Variants in RAB5A observed in about 807,000 individuals in gnomAD.
RAB5A encodes the protein RAB5A, member RAS oncogene family, also known as ras-related protein Rab-5A.
In RAB5A, 8 loss-of-function variants were observed where a neutral mutation model predicts 25.7. The observed-to-expected ratio is 0.31, with a 90% CI of 0.18 to 0.56. The LOEUF (loss-of-function observed/expected upper bound fraction) is 0.56. Among genes scored for constraint, RAB5A ranks in the 20% least tolerant of loss-of-function variants. The pLI is 0.91. For synonymous variants in RAB5A, 98 were observed against 89.8 expected, an observed-to-expected ratio of 1.09 and a Z score of -0.52; for missense variants, 192 against 259.7, an observed-to-expected ratio of 0.74 and a Z score of 1.79.
Position 19,977,577 on chromosome 3 carries a change from G to A in RAB5A, c.439-733G>A, listed in dbSNP as rs976403831. ...TTTATTTAATTCTTAGGACAACGAT[G>A]TGAGATGTAGTATCCATTACTCTTT... On this transcript the variant is annotated intron_variant, in intron 4 of 5. Transcript: ENST00000273047. Among the ~76,000 whole-genome samples the A allele has an allele frequency of 3.3e-5, 5 of 152,214 alleles. No homozygotes were observed. The South Asian group carries it at 8.3e-4, about 25-fold the overall frequency.
At chr3:19,973,427 G>GC (rs1260893283) in intron 2 of RAB5A, among the ~76,000 whole-genome samples, 2 of 151,044 alleles carry the variant, frequency 1.3e-5, no homozygotes, top group Non-Finnish European at 2.9e-5. Context: ...TTGAAAAAAG[G>GC]CTTATGTATT....
chr3:19,984,514 A>G lies in RAB5A; in HGVS notation c.*691A>G, dbSNP rs1240331477. ...CACCTTAATGGTCAGTGTTCCTTTC[A>G]AACATGTGAGTTCTTTAACAAAAAT... On this transcript the variant is annotated 3_prime_UTR_variant, in exon 6 of 6. Coordinates refer to ENST00000273047, the MANE Select transcript of RAB5A (RefSeq NM_004162.5). The G allele has an allele frequency of 5.3e-6, 1 of 188,478 alleles. No individual in the cohort carries two copies. Among genetic ancestry groups the G allele is most frequent in the African/African-American group, 2.4e-5 (1 of 41,608 alleles). 11.7% of individuals were successfully genotyped at this position (188,478 alleles called of 1,614,324 possible). A position where few individuals can be genotyped will look rare whatever the true frequency, so the allele number is the denominator to read the frequency against.
chr3:19,981,410 A>G (rs1172859591), intron 5 of RAB5A, among the ~76,000 whole-genome samples: 2 of 152,130 alleles, frequency 1.3e-5, no homozygotes, highest in East Asian at 3.9e-4. Context: ...GGAGTTGGTC[A>G]GGAAACAAGC....
At chr3:19,966,655 A>G (rs1696666648) in intron 2 of RAB5A, among the ~76,000 whole-genome samples, 3 of 152,210 alleles carry the variant, frequency 2.0e-5, no homozygotes, top group Non-Finnish European at 2.9e-5. Context: ...CAGTTTCTCC[A>G]CATGATCACC....
At chr3:19,971,396 C>G (rs1305347034) in intron 2 of RAB5A, among the ~76,000 whole-genome samples, 1 of 90,802 alleles carries the variant, frequency 1.1e-5, no homozygotes, top group African/African-American at 4.4e-5. Flanking sequence ...TCCCTGGCCT[C>G]TAATGTTGGT....
At chr3:19,962,951 T>C (rs556441610) in intron 2 of RAB5A, among the ~76,000 whole-genome samples, 7 of 152,236 alleles carry the variant, frequency 4.6e-5, no homozygotes, top group Admixed American at 3.9e-4. Flanking sequence ...TAGCTGGGAC[T>C]ACAGGTATGC....
intron 5 of RAB5A, 125 bp downstream of exon 5, chr3:19,978,528 TGTGA>T: frequency 4.6e-5 from 29 of 628,250 alleles, no homozygotes; most frequent in Non-Finnish European, 6.7e-5. Flanking sequence ...TATGTGTGTG[TGTGA>T]GAGAGAGAGA....
intron 1 of RAB5A, among the ~76,000 whole-genome samples, chr3:19,948,128 A>G (rs1433994261): frequency 6.6e-6 from 1 of 152,160 alleles, no homozygotes; most frequent in Non-Finnish European, 1.5e-5. Context: ...TAAATTCAAG[A>G]TAACAGGACC....
chr3:19,980,034 G>A (rs539966758), intron 5 of RAB5A: 31 of 152,328 alleles, frequency 2.0e-4, no homozygotes, highest in Non-Finnish European at 3.7e-4. Flanking sequence ...AAATGGGAAA[G>A]AACTTGCCTT....
chr3:19,968,253 A>T (rs920191432), intron 2 of RAB5A, among the ~76,000 whole-genome samples: 1 of 151,744 alleles, frequency 6.6e-6, no homozygotes, highest in East Asian at 1.9e-4. Context: ...TCACTTACAC[A>T]TTGGGATTGT....
chr3:19,947,541 T>C lies in RAB5A; in HGVS notation c.-94+20T>C, dbSNP rs4858133. On this transcript the variant is annotated intron_variant, in intron 1 of 5. Coordinates refer to ENST00000273047, the MANE Select transcript of RAB5A (RefSeq NM_004162.5). ...TCTCAGGTAACCGAACCGCCCCTCC[T>C]CCTGCGCAGCGGGGGCCTGGACCCC... is the stretch of plus-strand genomic sequence containing the variant. 152,284 of 152,644 alleles carry C rather than the reference T, an allele frequency of 1. 75,963 individuals carry two copies. Among genetic ancestry groups the C allele is most frequent in the Middle Eastern group, 1 (298 of 298 alleles). The allele number at this position is 152,644 out of a possible 1,614,324, so 9.5% of individuals were successfully genotyped here. A position where few individuals can be genotyped will look rare whatever the true frequency, so the allele number is the denominator to read the frequency against.
intron 2 of RAB5A, among the ~76,000 whole-genome samples, chr3:19,971,190 T>TC: frequency 1.2e-5 from 1 of 81,618 alleles, no homozygotes; most frequent in Non-Finnish European, 2.3e-5. Flanking sequence ...AGAGCTAAAC[T>TC]CCATCTCAAA....
intron 2 of RAB5A, among the ~76,000 whole-genome samples, chr3:19,973,689 G>A (rs1696783201): frequency 1.3e-5 from 2 of 152,096 alleles, no homozygotes; most frequent in South Asian, 4.1e-4. Context: ...TGATTAATGA[G>A]AATTCATAAA....
In RAB5A at chr3:19,976,102, C is replaced by T. The variant is rs1451771428; in HGVS notation, c.371C>T (p.Pro124Leu). ...WVKELQRQASPNIVIALSGNK... is the reference protein window; with the variant it reads ...WVKELQRQASLNIVIALSGNK... ...AAAGAACTTCAGAGGCAAGCAAGTC[C>T]TAACATTGTAATAGCTTTATCGGGA... Residue 124 changes from proline (P) to leucine (L), a missense_variant, in exon 4 of 6, where the codon CCT becomes CTT. By Grantham distance (98) the Pro-to-Leu change is moderately conservative (BLOSUM62 -3). Transcript: ENST00000273047. The T allele has an allele frequency of 6.2e-7, 1 of 1,613,212 alleles. No individual in the cohort carries two copies.
intron 2 of RAB5A, among the ~76,000 whole-genome samples, chr3:19,968,163 C>T (rs975114588): frequency 1.3e-5 from 2 of 152,056 alleles, no homozygotes; most frequent in African/African-American, 4.8e-5. Context: ...CCCTTTCTCC[C>T]CTCTCTAGTC....
chr3:19,972,622 G>A (rs1269370492), intron 2 of RAB5A, among the ~76,000 whole-genome samples: 2 of 152,110 alleles, frequency 1.3e-5, no homozygotes, highest in Non-Finnish European at 2.9e-5. Flanking sequence ...AATCTCGTGT[G>A]TTTATTAGGA....
chr3:19,959,911 C>T (rs1390890377), intron 2 of RAB5A, among the ~76,000 whole-genome samples: 1 of 152,116 alleles, frequency 6.6e-6, no homozygotes, highest in Non-Finnish European at 1.5e-5. Flanking sequence ...AGCCATGAGC[C>T]ACCGCGCTAG....
At chr3:19,959,338 A>G (rs932583990) in intron 2 of RAB5A, among the ~76,000 whole-genome samples, 2 of 152,192 alleles carry the variant, frequency 1.3e-5, no homozygotes, top group East Asian at 1.9e-4. Context: ...TTGAGTGAAC[A>G]TTGTAATCTG....
chr3:19,981,442 C>T (rs1220897615), intron 5 of RAB5A, among the ~76,000 whole-genome samples: 2 of 151,854 alleles, frequency 1.3e-5, no homozygotes, highest in African/African-American at 4.8e-5. Flanking sequence ...GTCGAAACCC[C>T]GTCTCTACTA....
Sources: gnomAD v4.1 joint callset for allele counts (sites outside exome capture counted in the v4.1 genomes callset) on GRCh38, gnomAD v4.1.1 for gene constraint, MANE v1.5 for transcripts, NCBI Gene and HGNC (gene_info 2026-07-23, HGNC 2026-07-21) for gene names.